The following AFF3 variants were observed in gnomAD, a reference collection of about 807,000 sequenced individuals.
AFF3 encodes ALF transcription elongation factor 3.
Under a neutral mutation model 129.7 loss-of-function variants are expected in AFF3, and 32 were observed. The observed-to-expected ratio is 0.25, with a 90% CI of 0.19 to 0.33. The LOEUF is 0.33. Ranked by LOEUF, AFF3 falls within the 10% of genes least tolerant of loss-of-function variation. AFF3 has a pLI of 1.00. For missense variants in AFF3, 1,373 were observed against 1,592.0 expected, an observed-to-expected ratio of 0.86 and a Z score of 2.34; for synonymous variants, 644 against 635.4, an observed-to-expected ratio of 1.01 and a Z score of -0.20.
At chr2:100,072,994 C>T (rs922705380) in intron 4 of AFF3, among the ~76,000 whole-genome samples, 21 of 151,980 alleles carry the variant, frequency 1.4e-4, no homozygotes, top group African/African-American at 5.1e-4. Flanking sequence ...TGTCTTTTTT[C>T]GATGGAGAAC....
intron 7 of AFF3, among the ~76,000 whole-genome samples, chr2:99,964,298 T>A (rs749480499): frequency 3.3e-5 from 5 of 152,164 alleles, no homozygotes; most frequent in Non-Finnish European, 7.4e-5. Flanking sequence ...AACAGCAGAA[T>A]ACACATTTTT....
At chr2:99,886,253 C>T (rs976858144) in intron 7 of AFF3, among the ~76,000 whole-genome samples, 1 of 152,258 alleles carries the variant, frequency 6.6e-6, no homozygotes. Flanking sequence ...GTCTGATCAC[C>T]ATGTTCCATG....
At chr2:100,039,252 T>A (rs565012538) in intron 4 of AFF3, among the ~76,000 whole-genome samples, 1 of 152,308 alleles carries the variant, frequency 6.6e-6, no homozygotes, top group Admixed American at 6.5e-5. Context: ...TCCAGAATTT[T>A]GGCATAACAT....
chr2:99,868,795 A>C (rs1310243172), intron 7 of AFF3, among the ~76,000 whole-genome samples: 4 of 152,052 alleles, frequency 2.6e-5, no homozygotes, highest in Non-Finnish European at 5.9e-5. Flanking sequence ...CAACAGTCCT[A>C]TTATTTTCTG....
chr2:99,888,871 T>C lies in AFF3; in HGVS notation c.874-51347A>G, dbSNP rs572536763. ...TTAATCAATAGCAGTCACAGCACCA[T>C]TTTTTATCCTCCAGAATCTTCATTT... On this transcript the variant is annotated intron_variant, in intron 7 of 24. Transcript: ENST00000672756. Among the ~76,000 whole-genome samples the C allele has an allele frequency of 3.9e-5, 6 of 152,276 alleles. No individual in the cohort carries two copies. In the South Asian group the frequency reaches 1.2e-3, roughly 32 times the overall value.
At chr2:99,647,182 T>G (rs755726241) in intron 13 of AFF3, among the ~76,000 whole-genome samples, 75 of 152,218 alleles carry the variant, frequency 4.9e-4, no homozygotes, top group Non-Finnish European at 9.1e-4. Context: ...ATCATTCTAT[T>G]ATAAAGACAC....
At chr2:100,007,997 G>T (rs1163158334) in intron 5 of AFF3, 1 of 160,954 alleles carries the variant, frequency 6.2e-6, no homozygotes, top group Admixed American at 5.8e-5. Flanking sequence ...GGAGCAGGGG[G>T]ATCTATCCTT....
intron 7 of AFF3, among the ~76,000 whole-genome samples, chr2:99,934,239 G>T (rs1217350969): frequency 6.6e-6 from 1 of 152,120 alleles, no homozygotes; most frequent in African/African-American, 2.4e-5. Flanking sequence ...GAAGTGTCAG[G>T]TCTCCTTTAG....
chr2:99,822,882 G>A (rs1687797118), intron 8 of AFF3, among the ~76,000 whole-genome samples: 1 of 152,164 alleles, frequency 6.6e-6, no homozygotes, highest in Non-Finnish European at 1.5e-5. Flanking sequence ...ACTTCAGCAG[G>A]AAAACAAGGA....
chr2:99,560,341 T>C, intron 21 of AFF3, 24 bp downstream of exon 21: 1 of 1,612,954 alleles, frequency 6.2e-7, no homozygotes. Context: ...GGGGCTGCTA[T>C]TCTAAGCGGA....
intron 11 of AFF3, among the ~76,000 whole-genome samples, chr2:99,700,118 G>A (rs932960244): frequency 7.5e-5 from 9 of 120,132 alleles, no homozygotes; most frequent in African/African-American, 3.3e-4. Flanking sequence ...TTGCTTCAAA[G>A]CCTCCTTTTT....
At chr2:99,949,215 A>G (rs1675917095) in intron 7 of AFF3, among the ~76,000 whole-genome samples, 1 of 152,238 alleles carries the variant, frequency 6.6e-6, no homozygotes, top group Admixed American at 6.5e-5. Context: ...ACCTGCATAT[A>G]AAAGTACTTA....
chr2:100,090,751 A>T (rs912374251), intron 4 of AFF3, among the ~76,000 whole-genome samples: 3 of 152,176 alleles, frequency 2.0e-5, no homozygotes, highest in African/African-American at 7.2e-5. Context: ...ATCTAGGCTC[A>T]CTGCAACCTC....
At position 99,549,226 on chromosome 2, in the gene AFF3, G is replaced by A. The variant is rs1036819464; in HGVS notation, c.*2248C>T. 1 of 210,128 alleles carries A rather than the reference G, an allele frequency of 4.8e-6. No homozygotes were observed. The highest frequency in any genetic ancestry group is 2.3e-5 in the African/African-American group (1 of 44,054). 13.0% of individuals were successfully genotyped at this position (210,128 alleles called of 1,614,324 possible). ...CAAAGCCTCAGTCCTCCAAAAAAAT[G>A]ACTCAAAATTTCTTAAGTTAGGTTC... On this transcript the variant is annotated 3_prime_UTR_variant, in exon 25 of 25. Transcript: ENST00000672756.
intron 1 of AFF3, among the ~76,000 whole-genome samples, chr2:100,135,294 A>G (rs1692591537): frequency 6.6e-6 from 1 of 152,188 alleles, no homozygotes; most frequent in Admixed American, 6.5e-5. Context: ...AGGAGGTGGA[A>G]CCTATTCCTC....
intron 4 of AFF3, among the ~76,000 whole-genome samples, chr2:100,017,320 T>C (rs1377483308): frequency 2.0e-5 from 3 of 152,192 alleles, no homozygotes; most frequent in African/African-American, 4.8e-5. Context: ...GTATTATTTC[T>C]ACCATGGACT....
chr2:99,904,171 T>C (rs1024802417), intron 7 of AFF3, among the ~76,000 whole-genome samples: 2 of 152,102 alleles, frequency 1.3e-5, no homozygotes, highest in African/African-American at 4.8e-5. Context: ...CCCCAAGCCT[T>C]GATCTCCATG....
At chr2:100,116,904 G>T (rs2105545162) in intron 2 of AFF3, among the ~76,000 whole-genome samples, 1 of 152,134 alleles carries the variant, frequency 6.6e-6, no homozygotes, top group East Asian at 1.9e-4. Context: ...CTTTCAGTCT[G>T]GAAATATCAA....
At chr2:99,850,223 ATT>A (rs1690045758) in intron 7 of AFF3, among the ~76,000 whole-genome samples, 1 of 152,048 alleles carries the variant, frequency 6.6e-6, no homozygotes, top group South Asian at 2.1e-4. Context: ...AACCTGTAGT[ATT>A]TTTTCCTTCC....
Sources: gnomAD v4.1 joint callset for allele counts (sites outside exome capture counted in the v4.1 genomes callset) on GRCh38, gnomAD v4.1.1 for gene constraint, MANE v1.5 for transcripts, NCBI Gene and HGNC (gene_info 2026-07-23, HGNC 2026-07-21) for gene names.